CRACDL: variants seen among roughly 807,000 people sequenced by gnomAD.
CRACDL encodes CRACD-like protein.
A neutral mutation model predicts 70.6 loss-of-function variants in CRACDL; 26 were observed. The observed-to-expected ratio is 0.37, with a 90% CI of 0.27 to 0.51. The LOEUF is 0.51. Ranked by LOEUF, CRACDL falls within the 20% of genes least tolerant of loss-of-function variation. The pLI, the probability that CRACDL is intolerant of heterozygous loss-of-function variation, is 0.94. For missense variants in CRACDL, 1,283 were observed against 1,376.9 expected, an observed-to-expected ratio of 0.93 and a Z score of 1.08; for synonymous variants, 618 against 615.2, an observed-to-expected ratio of 1.00 and a Z score of -0.07.
chr2:98,920,969 A>G (rs541916825), intron 1 of CRACDL, among the ~76,000 whole-genome samples: 1 of 152,220 alleles, frequency 6.6e-6, no homozygotes, highest in East Asian at 1.9e-4. Context: ...GAAGTACTCC[A>G]GGAAGACATG....
At chr2:98,797,216 A>G (rs965023293) in intron 8 of CRACDL, 134 bp downstream of exon 8, 3 of 813,200 alleles carry the variant, frequency 3.7e-6, no homozygotes, top group Non-Finnish European at 5.9e-6. Flanking sequence ...TCTCGACCAC[A>G]CATCCACAAC....
chr2:98,817,732 G>C (rs1203454110), intron 7 of CRACDL, among the ~76,000 whole-genome samples: 1 of 152,170 alleles, frequency 6.6e-6, no homozygotes, highest in Non-Finnish European at 1.5e-5. Context: ...ATGAATGAGT[G>C]AGTACTGGAG....
intron 1 of CRACDL, among the ~76,000 whole-genome samples, chr2:98,859,397 C>G (rs901623151): frequency 2.0e-5 from 3 of 152,006 alleles, no homozygotes; most frequent in African/African-American, 7.2e-5. Flanking sequence ...AATAAAGATG[C>G]AAAACTCCTC....
chr2:98,861,161 A>G (rs1181007220), intron 1 of CRACDL, among the ~76,000 whole-genome samples: 1 of 152,210 alleles, frequency 6.6e-6, no homozygotes, highest in Non-Finnish European at 1.5e-5. Context: ...AGTCTGGCCA[A>G]CATGGTGAAA....
intron 1 of CRACDL, among the ~76,000 whole-genome samples, chr2:98,909,760 T>A (rs548366777): frequency 5.9e-5 from 9 of 152,286 alleles, no homozygotes; most frequent in Non-Finnish European, 1.2e-4. Context: ...TCTTTTTCCC[T>A]GGTTCCCTTA....
At chr2:98,871,577 AC>A (rs1346260694) in intron 1 of CRACDL, among the ~76,000 whole-genome samples, 1 of 152,224 alleles carries the variant, frequency 6.6e-6, no homozygotes, top group Non-Finnish European at 1.5e-5. Context: ...GGTCTGAGTG[AC>A]CAAGCAAGCT....
chr2:98,837,205 T>C (rs1417802543), intron 3 of CRACDL, among the ~76,000 whole-genome samples: 1 of 74,072 alleles, frequency 1.4e-5, no homozygotes, highest in Non-Finnish European at 2.5e-5. Flanking sequence ...AACCCAAAAC[T>C]GAAAAAAAAA....
intron 1 of CRACDL, among the ~76,000 whole-genome samples, chr2:98,857,519 A>G (rs533926898): frequency 6.6e-6 from 1 of 152,326 alleles, no homozygotes; most frequent in African/African-American, 2.4e-5. Context: ...TAAGATGTAT[A>G]TTATAAGGCC....
chr2:98,934,155 A>G (rs922097186), intron 1 of CRACDL, among the ~76,000 whole-genome samples: 6 of 146,380 alleles, frequency 4.1e-5, no homozygotes, highest in African/African-American at 7.7e-5. Context: ...CACTGCTCTC[A>G]TTTCCCTGAA....
intron 1 of CRACDL, among the ~76,000 whole-genome samples, chr2:98,915,638 G>A (rs1280478466): frequency 1.3e-5 from 2 of 152,130 alleles, no homozygotes; most frequent in Non-Finnish European, 2.9e-5. Flanking sequence ...GGCAAAGAGG[G>A]GACTGCTCTT....
intron 1 of CRACDL, among the ~76,000 whole-genome samples, chr2:98,919,841 G>T (rs919122034): frequency 6.6e-6 from 1 of 152,164 alleles, no homozygotes; most frequent in Non-Finnish European, 1.5e-5. Flanking sequence ...CAGCCTTGAA[G>T]TCCTGGCCTT....
intron 5 of CRACDL, 52 bp downstream of exon 5, chr2:98,832,296 C>T: frequency 6.2e-7 from 1 of 1,601,128 alleles, no homozygotes. Flanking sequence ...AGCTCCAGCA[C>T]CCTCCAGGGC....
intron 2 of CRACDL, among the ~76,000 whole-genome samples, chr2:98,841,432 AT>A (rs764315813): frequency 1.3e-5 from 2 of 152,034 alleles, no homozygotes; most frequent in Non-Finnish European, 2.9e-5. Flanking sequence ...TATACTACAC[AT>A]TTGATTACAG....
chr2:98,887,737 A>C (rs1707837501), intron 1 of CRACDL, among the ~76,000 whole-genome samples: 2 of 152,324 alleles, frequency 1.3e-5, no homozygotes, highest in South Asian at 4.2e-4. Context: ...CCAAAGACAA[A>C]GAGAGAATCT....
At chr2:98,913,967 G>T (rs1029743537) in intron 1 of CRACDL, among the ~76,000 whole-genome samples, 2 of 152,228 alleles carry the variant, frequency 1.3e-5, no homozygotes, top group Non-Finnish European at 2.9e-5. Flanking sequence ...TAGGACCTGG[G>T]GAGGTCCTGA....
intron 3 of CRACDL, among the ~76,000 whole-genome samples, chr2:98,836,086 C>A (rs941377754): frequency 1.3e-5 from 2 of 152,170 alleles, no homozygotes; most frequent in Middle Eastern, 3.2e-3. Context: ...TTCTGCAGGA[C>A]ACATGGCCCT....
At chr2:98,893,929 G>A (rs1317748877) in intron 1 of CRACDL, among the ~76,000 whole-genome samples, 1 of 152,184 alleles carries the variant, frequency 6.6e-6, no homozygotes, top group Non-Finnish European at 1.5e-5. Flanking sequence ...CACCCCCAGA[G>A]GCGCTGACTG....
rs1056780305 is a variant in CRACDL, at chr2:98,794,289, C to T, written c.*243G>A. 2 of 402,414 alleles carry T rather than the reference C, an allele frequency of 5.0e-6. No homozygotes were observed. Among genetic ancestry groups the T allele is most frequent in the African/African-American group, 2.0e-5 (1 of 49,056 alleles). The allele number at this position is 402,414 out of a possible 1,614,324, so 24.9% of individuals were successfully genotyped here. ...GAAAAGACACATTCGTACCTTTGGG[C>T]ACAGGAACTGGTTCCTGGACTTTTT... On this transcript the variant is annotated 3_prime_UTR_variant, in exon 10 of 10. Transcript: ENST00000397899.
intron 1 of CRACDL, among the ~76,000 whole-genome samples, chr2:98,856,277 G>GCT (rs1170268231): frequency 1.3e-5 from 2 of 152,112 alleles, no homozygotes; most frequent in Non-Finnish European, 2.9e-5. Flanking sequence ...TTTCTTATCA[G>GCT]AAACATTGGA....
Sources: gnomAD v4.1 joint callset for allele counts (sites outside exome capture counted in the v4.1 genomes callset) on GRCh38, gnomAD v4.1.1 for gene constraint, MANE v1.5 for transcripts, NCBI Gene and HGNC (gene_info 2026-07-23, HGNC 2026-07-21) for gene names.